The following MDM4 variants were observed in gnomAD, a reference collection of about 807,000 sequenced individuals.
MDM4 encodes protein Mdm4.
A neutral mutation model predicts 60.2 loss-of-function variants in MDM4; 2 were observed. The ratio of observed to expected loss-of-function variants is 0.03; its 90% CI spans 0.01 to 0.10. The LOEUF (loss-of-function observed/expected upper bound fraction) is 0.10, where lower values mean the gene tolerates loss of function less well. Among genes scored for constraint, MDM4 ranks in the 10% least tolerant of loss-of-function variants. The pLI, the probability that MDM4 is intolerant of heterozygous loss-of-function variation, is 1.00. For missense variants in MDM4, 447 were observed against 577.5 expected (o/e 0.77, Z 2.32); for synonymous variants, 202 against 198.1 (o/e 1.02, Z -0.17).
chr1:204,526,271 G>A (rs1384730748), intron 2 of MDM4, 89 bp from the exon 3 acceptor site: 1 of 1,127,966 alleles, frequency 8.9e-7, no homozygotes, highest in African/African-American at 1.6e-5. Context: ...ACAAAAGCGG[G>A]GGGAGCTGTT....
chr1:204,531,870 T>TGGGG (rs1660892230), intron 4 of MDM4, among the ~76,000 whole-genome samples: 1 of 151,928 alleles, frequency 6.6e-6, no homozygotes, highest in East Asian at 1.9e-4. Context: ...CACTTTCCAA[T>TGGGG]TACAATGTGA....
rs1400820671 is a variant in MDM4, at chr1:204,544,603, G to A, written c.741G>A (p.Glu247=). The change falls in exon 9 of 11, where the codon GAG becomes GAA. Residue 247 remains glutamate (E), a synonymous_variant. Coordinates refer to ENST00000367182, the MANE Select transcript of MDM4 (RefSeq NM_002393.5). ...GGTTTTTGAATGAGTCAGTATCAGA[G>A]CAGTTAGGTGTTGGAATAAAAGTTG... ...DLWFLNESVS[E]QLGVGIKVEA... 3 of 1,613,746 alleles carry A rather than the reference G, an allele frequency of 1.9e-6. No homozygotes were observed. In the African/African-American group the frequency reaches 4.0e-5, roughly 22 times the overall value.
At position 204,552,045 on chromosome 1, in the gene MDM4, G is replaced by A. The variant is rs911114012; in HGVS notation, c.*2363G>A. Reference sequence around the variant, plus strand: ...CTCACGCCTGTAATCCCAACACTTTGGGAGATCACCTAGGTCGGGAGTTTG... The same window carrying A: ...CTCACGCCTGTAATCCCAACACTTTAGGAGATCACCTAGGTCGGGAGTTTG... On this transcript the variant is annotated 3_prime_UTR_variant, in exon 11 of 11. Transcript: ENST00000367182. The A allele has an allele frequency of 5.9e-6, 1 of 169,430 alleles. No homozygotes were observed. Among genetic ancestry groups the A allele is most frequent in the Non-Finnish European group, 1.3e-5 (1 of 78,372 alleles). 10.5% of individuals were successfully genotyped at this position (169,430 alleles called of 1,614,324 possible). A position where few individuals can be genotyped will look rare whatever the true frequency, so the allele number is the denominator to read the frequency against.
chr1:204,519,225 T>C (rs939164233), intron 1 of MDM4, among the ~76,000 whole-genome samples: 7 of 152,208 alleles, frequency 4.6e-5, no homozygotes, highest in Admixed American at 3.9e-4. Flanking sequence ...GGCCTGACAC[T>C]ATAGGATTTT....
intron 3 of MDM4, 42 bp from the exon 4 acceptor site, chr1:204,530,642 A>G: frequency 6.2e-7 from 1 of 1,600,712 alleles, no homozygotes; most frequent in Non-Finnish European, 8.5e-7. Flanking sequence ...TGTTTTTGGT[A>G]GCAGCTGGAC....
rs137991330 is a variant in MDM4, at chr1:204,532,159, G to A, written c.288-32G>A. ...TGATATCTTCATAGTGGCATTTGGG[G>A]TTGTTAATTTTTTATCTTCTCTCTT... On this transcript the variant is annotated intron_variant, in intron 4 of 10. Transcript: ENST00000367182. 2.6e-4 allele frequency: 355 copies of A among 1,343,956 alleles called. 3 individuals are homozygous for A. The East Asian group carries it at 7.2e-3, about 27-fold the overall frequency. 83.3% of individuals were successfully genotyped at this position (1,343,956 alleles called of 1,614,324 possible). A position where few individuals can be genotyped will look rare whatever the true frequency, so the allele number is the denominator to read the frequency against.
In MDM4 at chr1:204,557,791, A is replaced by T. The variant is rs1235490024; in HGVS notation, c.*8109A>T. The T allele has an allele frequency of 5.3e-6, 1 of 188,774 alleles. No individual in the cohort carries two copies. Among genetic ancestry groups the T allele is most frequent in the Non-Finnish European group, 1.1e-5 (1 of 89,760 alleles). The allele number at this position is 188,774 out of a possible 1,614,324, so 11.7% of individuals were successfully genotyped here. A position where few individuals can be genotyped will look rare whatever the true frequency, so the allele number is the denominator to read the frequency against. The stretch of plus-strand genomic sequence containing the variant: ...ACATGAAATTTTCCAAATATTTCCG[A>T]TCAGAGAATCACAAGAGCAGCAAAT... On this transcript the variant is annotated 3_prime_UTR_variant, in exon 11 of 11. Transcript: ENST00000367182.
At chr1:204,542,984 T>G in intron 8 of MDM4, 40 bp downstream of exon 8, 1 of 1,526,244 alleles carries the variant, frequency 6.6e-7, no homozygotes. Flanking sequence ...TTTTTTCTTT[T>G]GAAAGGGTAA....
intron 1 of MDM4, among the ~76,000 whole-genome samples, chr1:204,523,526 C>G (rs1659800029): frequency 8.3e-6 from 1 of 121,000 alleles, no homozygotes; most frequent in South Asian, 2.8e-4. Context: ...CTTTGTCACC[C>G]AGGCTGGAGT....
chr1:204,538,829 C>T (rs562910038), intron 7 of MDM4, among the ~76,000 whole-genome samples: 1 of 148,482 alleles, frequency 6.7e-6, no homozygotes, highest in Admixed American at 6.7e-5. Flanking sequence ...CCTCAGCCTC[C>T]TGAGTAGCTG....
intron 9 of MDM4, 28 bp from the exon 10 acceptor site, chr1:204,546,769 T>G: frequency 6.7e-7 from 1 of 1,483,098 alleles, no homozygotes; most frequent in Middle Eastern, 1.7e-4. Flanking sequence ...AAGTAAACAT[T>G]ACTAATGAGA....
rs1410093466 is a variant in MDM4 at position 204,556,183 on chromosome 1, A to G, written c.*6501A>G. The G allele has an allele frequency of 1.8e-5, 4 of 225,754 alleles. No homozygotes were observed. Among genetic ancestry groups the G allele is most frequent in the Non-Finnish European group, 2.6e-5 (3 of 113,416 alleles). 14.0% of individuals were successfully genotyped at this position (225,754 alleles called of 1,614,324 possible). A position where few individuals can be genotyped will look rare whatever the true frequency, so the allele number is the denominator to read the frequency against. The stretch of plus-strand genomic sequence containing the variant: ...TATCTTATTTCTGGATATTGCTTTT[A>G]TACCAAAGACCCTTATCAGCCCTTG... On this transcript the variant is annotated 3_prime_UTR_variant, in exon 11 of 11. Transcript: ENST00000367182.
At position 204,529,613 on chromosome 1, in the gene MDM4, C is replaced by G. The variant is rs1048340331; in HGVS notation, c.154-1071C>G. 57 of 1,192,488 alleles carry G rather than the reference C, an allele frequency of 4.8e-5. No homozygotes were observed. In the Admixed American group the frequency reaches 6.2e-4, roughly 13 times the overall value. The allele number at this position is 1,192,488 out of a possible 1,614,324, so 73.9% of individuals were successfully genotyped here. ...ACTGCCCTCCACTACTGGGGGGGGT[C>G]CAAGGTAGTAGCTACCCGGAGGGGT... On this transcript the variant is annotated intron_variant, in intron 3 of 10. Coordinates refer to ENST00000367182, the MANE Select transcript of MDM4 (RefSeq NM_002393.5).
intron 7 of MDM4, among the ~76,000 whole-genome samples, chr1:204,539,399 G>C (rs932195980): frequency 6.6e-6 from 1 of 152,112 alleles, no homozygotes; most frequent in South Asian, 2.1e-4. Flanking sequence ...TTGAAATGTT[G>C]AGCATTCTCA....
At chr1:204,517,633 C>G (rs963327059) in intron 1 of MDM4, among the ~76,000 whole-genome samples, 10 of 152,122 alleles carry the variant, frequency 6.6e-5, no homozygotes, top group Admixed American at 1.3e-4. Flanking sequence ...AACTCCAGAC[C>G]TCAGGTGATC....
In MDM4 at chr1:204,556,684, G is replaced by A. The variant is rs770608941; in HGVS notation, c.*7002G>A. The A allele has an allele frequency of 1.4e-5, 3 of 209,990 alleles. No homozygotes were observed. The highest frequency in any genetic ancestry group is 2.3e-5 in the African/African-American group (1 of 43,972). The allele number at this position is 209,990 out of a possible 1,614,324, so 13.0% of individuals were successfully genotyped here. On this transcript the variant is annotated 3_prime_UTR_variant, in exon 11 of 11. Coordinates refer to ENST00000367182, the MANE Select transcript of MDM4 (RefSeq NM_002393.5). ...GCAATCCAAGGTGGGTGACAGAGAC[G>A]CTGTCTCAAAGAAATTGAGGTCAGG...
At position 204,551,081 on chromosome 1, in the gene MDM4, C is replaced by T. The variant is rs4951396; in HGVS notation, c.*1399C>T. ...TTTTTGAGACAGGGTCTTGCTCTGT[C>T]GCCCAGGCTGGAGTGCACTGGCACA... On this transcript the variant is annotated 3_prime_UTR_variant, in exon 11 of 11. Transcript: ENST00000367182. The T allele has an allele frequency of 0.58, 109,723 of 188,496 alleles. 34,816 individuals carry two copies. The highest frequency in any genetic ancestry group is 0.71 in the East Asian group (8,373 of 11,796). 11.7% of individuals were successfully genotyped at this position (188,496 alleles called of 1,614,324 possible). A position where few individuals can be genotyped will look rare whatever the true frequency, so the allele number is the denominator to read the frequency against.
chr1:204,549,970 A>G lies in MDM4; in HGVS notation c.*288A>G. 3.4e-6 allele frequency: 1 copy of G among 295,630 alleles called. No individual in the cohort carries two copies. The highest frequency in any genetic ancestry group is 6.3e-6 in the Non-Finnish European group (1 of 159,426). The allele number at this position is 295,630 out of a possible 1,614,324, so 18.3% of individuals were successfully genotyped here. A position where few individuals can be genotyped will look rare whatever the true frequency, so the allele number is the denominator to read the frequency against. On this transcript the variant is annotated 3_prime_UTR_variant, in exon 11 of 11. Transcript: ENST00000367182. ...GAGATTTCTTCCATGCACATTTACA[A>G]TATTGAGGTATAATTAACATGATAA...
intron 3 of MDM4, 130 bp downstream of exon 3, chr1:204,526,564 C>T (rs865882018): frequency 8.0e-6 from 5 of 626,034 alleles, no homozygotes; most frequent in Admixed American, 2.9e-5. Context: ...CCTGGGTTCA[C>T]GCCATTCTCC....
Sources: gnomAD v4.1 joint callset for allele counts (sites outside exome capture counted in the v4.1 genomes callset) on GRCh38, gnomAD v4.1.1 for gene constraint, MANE v1.5 for transcripts, NCBI Gene and HGNC (gene_info 2026-07-23, HGNC 2026-07-21) for gene names.